The following AKR1B15 variants were observed in gnomAD, a reference collection of about 807,000 sequenced individuals.
AKR1B15 encodes aldo-keto reductase family 1 member B15.
Under a neutral mutation model 38.5 loss-of-function variants are expected in AKR1B15, and 49 were observed. The ratio of observed to expected loss-of-function variants is 1.27; its 90% CI spans 1.01 to 1.62. The LOEUF (loss-of-function observed/expected upper bound fraction) is 1.62, where lower values mean the gene tolerates loss of function less well. Among genes scored for constraint, AKR1B15 ranks in the 40% most tolerant of loss-of-function variants. The pLI, the probability that AKR1B15 is intolerant of heterozygous loss-of-function variation, is 0.00. For synonymous variants in AKR1B15, 137 were observed against 135.5 expected, an observed-to-expected ratio of 1.01 and a Z score of -0.08; for missense variants, 411 against 381.6, an observed-to-expected ratio of 1.08 and a Z score of -0.64.
chr7:134,571,418 G>A (rs1264950955), intron 5 of AKR1B15, among the ~76,000 whole-genome samples, 186 bp from the exon 6 acceptor site: 1 of 152,144 alleles, frequency 6.6e-6, no homozygotes, highest in Non-Finnish European at 1.5e-5. Context: ...AAAATATAGG[G>A]ATTAATATGC....
chr7:134,550,938 T>C (rs373979960), intron 1 of AKR1B15, among the ~76,000 whole-genome samples: 1 of 152,146 alleles, frequency 6.6e-6, no homozygotes, highest in African/African-American at 2.4e-5. Context: ...GAACTCCCGG[T>C]CACCCCGATC....
At chr7:134,555,542 C>G (rs753497582) in intron 1 of AKR1B15, among the ~76,000 whole-genome samples, 1 of 152,102 alleles carries the variant, frequency 6.6e-6, no homozygotes, top group Non-Finnish European at 1.5e-5. Context: ...CTGTTTCCAC[C>G]TGTTATGTCC....
intron 4 of AKR1B15, among the ~76,000 whole-genome samples, chr7:134,569,015 G>C (rs1464457051): frequency 6.6e-6 from 1 of 152,284 alleles, no homozygotes; most frequent in East Asian, 1.9e-4. Context: ...GGACCTATCA[G>C]ATGGGTCAGA....
intron 2 of AKR1B15, among the ~76,000 whole-genome samples, chr7:134,561,393 C>G (rs1300380584): frequency 1.3e-5 from 2 of 152,154 alleles, no homozygotes; most frequent in East Asian, 1.9e-4. Flanking sequence ...TTTTAGCAGA[C>G]ACAGGGTTTC....
intron 11 of AKR1B15, among the ~76,000 whole-genome samples, 187 bp downstream of exon 11, chr7:134,577,973 A>G (rs563725287): frequency 1.3e-5 from 2 of 152,326 alleles, no homozygotes; most frequent in South Asian, 4.1e-4. Flanking sequence ...ATTGCTGCTT[A>G]TTGTCTGAAC....
rs1794843841 is a variant in AKR1B15, at chr7:134,579,800, T to A, written c.*251T>A. 1 of 391,386 alleles carries A rather than the reference T, an allele frequency of 2.6e-6. No homozygotes were observed. Among genetic ancestry groups the A allele is most frequent in the Non-Finnish European group, 4.5e-6 (1 of 221,996 alleles). 24.2% of individuals were successfully genotyped at this position (391,386 alleles called of 1,614,324 possible). A position where few individuals can be genotyped will look rare whatever the true frequency, so the allele number is the denominator to read the frequency against. ...TCCACTTATCTGATCTGATCAAATG[T>A]CTGTTAAGCACCAGAAACTCTGCCA... On this transcript the variant is annotated 3_prime_UTR_variant, in exon 12 of 12. Transcript: ENST00000457545.
At chr7:134,579,051 C>T (rs1794824271) in intron 11 of AKR1B15, among the ~76,000 whole-genome samples, 1 of 152,202 alleles carries the variant, frequency 6.6e-6, no homozygotes, top group South Asian at 2.1e-4. Flanking sequence ...GTTTCTTTAC[C>T]TATAAAGTAG....
chr7:134,569,475 C>A lies in AKR1B15; in HGVS notation c.381C>A (p.Asp127Glu), dbSNP rs1195854379. Residue 127 changes from aspartate (D) to glutamate (E), a missense_variant, in exon 5 of 12, where the codon GAC becomes GAA. Asp to Glu is a conservative substitution (Grantham distance 45). Around this residue, in one of 3 missense-constraint regions of AKR1B15, gnomAD observed 254 missense variants for 212.4 expected, o/e 1.20. Transcript: ENST00000457545. ...AAGCCTTTGAGAAGACCCTCAAGGA[C>A]CTGAAGCTGAGCTATCTGGACGTCT... ...VRKAFEKTLK[D>E]LKLSYLDVYL... The A allele has an allele frequency of 1.2e-6, 2 of 1,614,040 alleles. No individual in the cohort carries two copies. Among genetic ancestry groups the A allele is most frequent in the Admixed American group, 1.7e-5 (1 of 60,020 alleles).
At chr7:134,557,934 C>T (rs1202220553) in intron 2 of AKR1B15, among the ~76,000 whole-genome samples, 1 of 140,360 alleles carries the variant, frequency 7.1e-6, no homozygotes, top group Non-Finnish European at 1.5e-5. Flanking sequence ...CCATTTAACT[C>T]CATGCCCTCC....
At chr7:134,563,484 G>T (rs1161734596) in intron 2 of AKR1B15, among the ~76,000 whole-genome samples, 1 of 152,124 alleles carries the variant, frequency 6.6e-6, no homozygotes, top group Non-Finnish European at 1.5e-5. Context: ...GGAGACAGAG[G>T]TTGCAGTGAG....
rs905430203 is a variant in AKR1B15, at chr7:134,579,622, A to G, written c.*73A>G. The G allele has an allele frequency of 9.4e-5, 129 of 1,375,016 alleles. No individual in the cohort carries two copies. Among genetic ancestry groups the G allele is most frequent in the Non-Finnish European group, 1.3e-4 (128 of 1,008,856 alleles). 85.2% of individuals were successfully genotyped at this position (1,375,016 alleles called of 1,614,324 possible). On this transcript the variant is annotated 3_prime_UTR_variant, in exon 12 of 12. Coordinates refer to ENST00000457545, the MANE Select transcript of AKR1B15 (RefSeq NM_001080538.3). ...GAAGTGTGACTGTCTCCACTCAAGA[A>G]CTATTTTAGCCAAGCTTATCTGAGA... is the stretch of plus-strand genomic sequence containing the variant.
Position 134,571,744 on chromosome 7 carries a change from A to G in AKR1B15, c.513+63A>G. 15 of 1,326,698 alleles carry G rather than the reference A, an allele frequency of 1.1e-5. No individual in the cohort carries two copies. In the South Asian group the frequency reaches 1.8e-4, roughly 16 times the overall value. The allele number at this position is 1,326,698 out of a possible 1,614,324, so 82.2% of individuals were successfully genotyped here. A position where few individuals can be genotyped will look rare whatever the true frequency, so the allele number is the denominator to read the frequency against. On this transcript the variant is annotated intron_variant, in intron 6 of 11. Coordinates refer to ENST00000457545, the MANE Select transcript of AKR1B15 (RefSeq NM_001080538.3). ...ATCCTCAGTTATCCATGAGATTCCC[A>G]TTGATATGAAAGAGGCCATGTGCCT...
rs778526527 is a variant in AKR1B15, at chr7:134,579,490, T to TTA, written c.993-16_993-15insAT. 7.0e-6 allele frequency: 11 copies of TTA among 1,568,828 alleles called. No individual in the cohort carries two copies. The highest frequency in any genetic ancestry group is 3.9e-5 in the Admixed American group (2 of 50,742). On this transcript the variant is annotated splice_polypyrimidine_tract_variant and intron_variant, in intron 11 of 11. Transcript: ENST00000457545. ...TGATGGAACACAGTTTCTTTTTTTTTTTCTCTCTCTCTGTAGATTCTCTCA... is the reference window on the plus strand; with the variant it reads ...TGATGGAACACAGTTTCTTTTTTTTTTATTCTCTCTCTCTGTAGATTCTCTCA...
At position 134,564,717 on chromosome 7, in the gene AKR1B15, C is replaced by T. The variant is rs1394824852; in HGVS notation, c.98C>T (p.Ser33Phe). Reference sequence around the variant, plus strand: ...GGCCCTTTGACTGGCCTAAAGAGTTCCCTTCTGAAGGACACTACAAGTGCA... The same window carrying T: ...GGCCCTTTGACTGGCCTAAAGAGTTTCCTTCTGAAGGACACTACAAGTGCA... ...PVGPLTGLKS[S>F]LLKDTTSAGP... The change falls in exon 3 of 12, where the codon TCC becomes TTC. Residue 33 changes from serine to phenylalanine, a missense_variant. Physicochemically the swap from Ser to Phe is radical, Grantham distance 155. This residue lies in a region of AKR1B15 where 254 missense variants were observed against 212.4 expected (regional missense o/e 1.20). Transcript: ENST00000457545. 7.2e-6 allele frequency: 5 copies of T among 697,218 alleles called. No homozygotes were observed. The highest frequency in any genetic ancestry group is 4.0e-5 in the Admixed American group (2 of 49,684). 43.2% of individuals were successfully genotyped at this position (697,218 alleles called of 1,614,324 possible).
At chr7:134,568,743 C>A (rs188083286) in intron 4 of AKR1B15, among the ~76,000 whole-genome samples, 1 of 152,118 alleles carries the variant, frequency 6.6e-6, no homozygotes, top group African/African-American at 2.4e-5. Context: ...TTTCTATTAT[C>A]ACATGTGATT....
chr7:134,552,908 A>G (rs572568205), intron 1 of AKR1B15, among the ~76,000 whole-genome samples: 1 of 152,210 alleles, frequency 6.6e-6, no homozygotes, highest in South Asian at 2.1e-4. Context: ...TACCATTCTG[A>G]GCCAGTCACC....
At chr7:134,578,585 G>A (rs1182475647) in intron 11 of AKR1B15, among the ~76,000 whole-genome samples, 1 of 152,186 alleles carries the variant, frequency 6.6e-6, no homozygotes, top group Admixed American at 6.5e-5. Context: ...TCTGATTAAT[G>A]TGTCTAATTA....
chr7:134,560,343 T>C (rs1212618483), intron 2 of AKR1B15, among the ~76,000 whole-genome samples: 2 of 152,088 alleles, frequency 1.3e-5, no homozygotes, highest in South Asian at 4.2e-4. Context: ...GGTCCCTGTC[T>C]TCCCTGACAA....
In AKR1B15 at chr7:134,568,335, G is replaced by A. The variant is rs1341886415; in HGVS notation, c.318+10G>A. The A allele has an allele frequency of 1.2e-6, 2 of 1,613,238 alleles. No individual in the cohort carries two copies. The highest frequency in any genetic ancestry group is 1.7e-6 in the Non-Finnish European group (2 of 1,179,438). On this transcript the variant is annotated intron_variant, in intron 4 of 11. Transcript: ENST00000457545. The stretch of plus-strand genomic sequence containing the variant: ...GTTCATCGTCAGCAAGGTGCACATG[G>A]CGCATTTGGTGGGAGGCCTTCACTT...
Sources: allele counts gnomAD v4.1 joint callset (sites outside exome capture counted in the v4.1 genomes callset), GRCh38; gene constraint gnomAD v4.1.1; regional missense constraint gnomAD v4.1.1; transcripts MANE v1.5; gene names NCBI Gene and HGNC (gene_info 2026-07-23, HGNC 2026-07-21).